Variants in USP37 observed in about 807,000 individuals in gnomAD.
USP37 encodes the protein ubiquitin specific peptidase 37, also known as ubiquitin carboxyl-terminal hydrolase 37.
In USP37, 27 loss-of-function variants were observed where a neutral mutation model predicts 124.0. The observed-to-expected ratio is 0.22, with a 90% CI of 0.16 to 0.30. USP37 has a LOEUF of 0.30. Among genes scored for constraint, USP37 ranks in the 10% least tolerant of loss-of-function variants. USP37 has a pLI of 1.00. For missense variants in USP37, 889 were observed against 1,140.4 expected, an observed-to-expected ratio of 0.78 and a Z score of 3.17; for synonymous variants, 365 against 388.0, an observed-to-expected ratio of 0.94 and a Z score of 0.70.
intron 5 of USP37, among the ~76,000 whole-genome samples, 166 bp downstream of exon 5, chr2:218,553,383 AGATT>A (rs1296194802): frequency 6.6e-6 from 1 of 152,238 alleles, no homozygotes; most frequent in Non-Finnish European, 1.5e-5. Context: ...TGTGTTACAC[AGATT>A]GATTTTCATA....
chr2:218,535,596 C>T (rs186285577), intron 8 of USP37, among the ~76,000 whole-genome samples: 429 of 151,846 alleles, frequency 2.8e-3, no homozygotes, highest in African/African-American at 9.9e-3. Context: ...GTGGCTCACA[C>T]CTGTAATCCC....
rs373134052 is a variant in USP37, at chr2:218,556,039, A to G, written c.157-2315T>C. On this transcript the variant is annotated intron_variant, in intron 4 of 25. Transcript: ENST00000258399. Reference sequence around the variant, plus strand: ...CTCCTATATGTCCTTCTATTCTCCCACTATCACCTGAAATAAAGTCATCTG... The same window carrying G: ...CTCCTATATGTCCTTCTATTCTCCCGCTATCACCTGAAATAAAGTCATCTG... Among the ~76,000 whole-genome samples, 10 of 152,164 alleles carry G rather than the reference A, an allele frequency of 6.6e-5. No individual in the cohort carries two copies. The East Asian group carries it at 1.7e-3, about 26-fold the overall frequency.
At chr2:218,491,092 T>C (rs951972833) in intron 14 of USP37, among the ~76,000 whole-genome samples, 1 of 152,152 alleles carries the variant, frequency 6.6e-6, no homozygotes, top group Non-Finnish European at 1.5e-5. Flanking sequence ...AGGGCTGGTC[T>C]CAAACACCTA....
In USP37 at chr2:218,498,716, G is replaced by A. The variant is rs373206372; in HGVS notation, c.1026-559C>T. Among the ~76,000 whole-genome samples, 7 of 152,208 alleles carry A rather than the reference G, an allele frequency of 4.6e-5. No homozygotes were observed. In the East Asian group the frequency reaches 1.4e-3, roughly 29 times the overall value. The stretch of plus-strand genomic sequence containing the variant: ...CACTCCAGCCTCAGCAACAGAGTGA[G>A]ACTCTGTCTCAAAATAAATAAAATA... On this transcript the variant is annotated intron_variant, in intron 11 of 25. Transcript: ENST00000258399.
chr2:218,493,141 C>T (rs1387669418), intron 14 of USP37, among the ~76,000 whole-genome samples: 1 of 151,892 alleles, frequency 6.6e-6, no homozygotes, highest in Non-Finnish European at 1.5e-5. Context: ...CCAAACTGGC[C>T]AAACAAACCT....
chr2:218,530,066 AACTT>A (rs1328668774), intron 9 of USP37, 26 bp from the exon 10 acceptor site: 2 of 1,556,868 alleles, frequency 1.3e-6, no homozygotes, highest in East Asian at 2.2e-5. Flanking sequence ...ACAAAGGAAA[AACTT>A]AATTCCTAAA....
intron 11 of USP37, among the ~76,000 whole-genome samples, chr2:218,508,333 C>T (rs1384198771): frequency 6.6e-6 from 1 of 150,640 alleles, no homozygotes; most frequent in East Asian, 1.9e-4. Context: ...CTTGAAATTA[C>T]ACTAAACTAA....
chr2:218,489,956 A>T (rs1691835687), intron 14 of USP37, among the ~76,000 whole-genome samples: 1 of 152,200 alleles, frequency 6.6e-6, no homozygotes, highest in African/African-American at 2.4e-5. Context: ...GTTGTTGTAT[A>T]GCTTTAATCT....
In USP37 at chr2:218,503,143, C is replaced by T. The variant is rs80312508; in HGVS notation, c.1026-4986G>A. Reference sequence around the variant, plus strand: ...TGAGAATACTTGCTGCCAAGAGACACGCACTGTAAGAAATGTTAAAGCGAC... The same window carrying T: ...TGAGAATACTTGCTGCCAAGAGACATGCACTGTAAGAAATGTTAAAGCGAC... On this transcript the variant is annotated intron_variant, in intron 11 of 25. Coordinates refer to ENST00000258399, the MANE Select transcript of USP37 (RefSeq NM_020935.3). Among the ~76,000 whole-genome samples, 977 of 152,072 alleles carry T rather than the reference C, an allele frequency of 6.4e-3. 10 individuals are homozygous for T. Among genetic ancestry groups the T allele is most frequent in the African/African-American group, 0.023 (938 of 41,504 alleles).
At chr2:218,567,998 C>T (rs1693741873) in intron 1 of USP37, among the ~76,000 whole-genome samples, 180 bp downstream of exon 1, 2 of 152,108 alleles carry the variant, frequency 1.3e-5, no homozygotes, top group South Asian at 2.1e-4. Flanking sequence ...GAGGTGGAAG[C>T]CGGGGCAGTG....
chr2:218,548,752 T>C (rs933249149), intron 6 of USP37, among the ~76,000 whole-genome samples: 1 of 152,230 alleles, frequency 6.6e-6, no homozygotes, highest in Admixed American at 6.5e-5. Flanking sequence ...ATATTCTCTA[T>C]TATTTTCTAT....
In USP37 at chr2:218,529,980, G is replaced by A; in HGVS notation, c.839C>T (p.Ser280Phe). 6.2e-7 allele frequency: 1 copy of A among 1,613,442 alleles called. No individual in the cohort carries two copies. The highest frequency in any genetic ancestry group is 8.5e-7 in the Non-Finnish European group (1 of 1,179,820). ...YGSRAGSKEHSSGGTNLDRTN... is the reference protein window; with the variant it reads ...YGSRAGSKEHFSGGTNLDRTN... Reference sequence around the variant, plus strand: ...CCTGTCTAAGTTAGTGCCACCAGAAGAGTGTTCCTTGGATCCAGCTCTGCT... The same window carrying A: ...CCTGTCTAAGTTAGTGCCACCAGAAAAGTGTTCCTTGGATCCAGCTCTGCT... The change falls in exon 10 of 26, where the codon TCT (serine) becomes TTT (phenylalanine). Residue 280 changes from serine (S) to phenylalanine (F), a missense_variant. By Grantham distance (155) the Ser-to-Phe change is radical. Coordinates refer to ENST00000258399, the MANE Select transcript of USP37 (RefSeq NM_020935.3).
Position 218,549,897 on chromosome 2 carries a change from G to C in USP37, c.341C>G (p.Ser114Cys). ...QNRLPAAMKP[S>C]QGSGSFGAIL... ...GGCTCCAAAACTACCAGACCCCTGAGACGGTTTCATGGCTGGTGACCAAAA... is the reference window on the plus strand; with the variant it reads ...GGCTCCAAAACTACCAGACCCCTGACACGGTTTCATGGCTGGTGACCAAAA... Residue 114 changes from serine to cysteine, a missense_variant, in exon 6 of 26, where the codon TCT becomes TGT. Ser to Cys is a moderately radical substitution (Grantham distance 112). Around this residue, in one of 3 missense-constraint regions of USP37, gnomAD observed 374 missense variants for 386.0 expected, o/e 0.97. Coordinates refer to ENST00000258399, the MANE Select transcript of USP37 (RefSeq NM_020935.3). The C allele has an allele frequency of 6.2e-7, 1 of 1,604,368 alleles. No homozygotes were observed. The highest frequency in any genetic ancestry group is 8.5e-7 in the Non-Finnish European group (1 of 1,175,756).
chr2:218,489,685 A>G (rs1691812775), intron 14 of USP37, among the ~76,000 whole-genome samples: 1 of 151,780 alleles, frequency 6.6e-6, no homozygotes, highest in Admixed American at 6.6e-5. Context: ...TCATCATGTT[A>G]GCCAGGCCAG....
Position 218,498,016 on chromosome 2 carries a change from T to C in USP37, c.1157+10A>G. On this transcript the variant is annotated intron_variant, in intron 12 of 25. Coordinates refer to ENST00000258399, the MANE Select transcript of USP37 (RefSeq NM_020935.3). ...AAGGTTACTCAGTAAGTACAGTACA[T>C]AATGATTACCTGATAAGTGCATTGA... 6.3e-7 allele frequency: 1 copy of C among 1,599,080 alleles called. No individual in the cohort carries two copies. The highest frequency in any genetic ancestry group is 8.5e-7 in the Non-Finnish European group (1 of 1,174,706).
chr2:218,537,464 G>A (rs1339608629), intron 8 of USP37, among the ~76,000 whole-genome samples: 1 of 152,194 alleles, frequency 6.6e-6, no homozygotes, highest in Non-Finnish European at 1.5e-5. Context: ...TCAAACTCTA[G>A]CCAAACCATC....
intron 4 of USP37, among the ~76,000 whole-genome samples, chr2:218,557,168 C>A (rs149517196): frequency 6.6e-6 from 1 of 152,306 alleles, no homozygotes; most frequent in Non-Finnish European, 1.5e-5. Flanking sequence ...TGCGCCCAGC[C>A]ATCCCTTAGC....
Position 218,482,139 on chromosome 2 carries a change from G to A in USP37, c.1766C>T (p.Thr589Ile). The change falls in exon 17 of 26, where the codon ACC (threonine) becomes ATC (isoleucine). Residue 589 changes from threonine (T) to isoleucine (I), a missense_variant. Thr to Ile is a moderately conservative substitution (Grantham distance 89). Coordinates refer to ENST00000258399, the MANE Select transcript of USP37 (RefSeq NM_020935.3). Reference sequence around the variant, plus strand: ...ATTTTCAGTGCAATGAGATGACAGGGTCAGGTATCTTGGAATGATGACTTG... The same window carrying A: ...ATTTTCAGTGCAATGAGATGACAGGATCAGGTATCTTGGAATGATGACTTG... ...GQQVIIPRYL[T>I]LSSHCTENTK... 6.2e-7 allele frequency: 1 copy of A among 1,613,952 alleles called. No homozygotes were observed. The highest frequency in any genetic ancestry group is 8.5e-7 in the Non-Finnish European group (1 of 1,179,880).
intron 2 of USP37, among the ~76,000 whole-genome samples, chr2:218,562,084 T>A (rs550720097): frequency 6.6e-6 from 1 of 152,244 alleles, no homozygotes; most frequent in Non-Finnish European, 1.5e-5. Context: ...AGAACCAATA[T>A]AATAAACTTT....
Sources: allele counts gnomAD v4.1 joint callset (sites outside exome capture counted in the v4.1 genomes callset), GRCh38; gene constraint gnomAD v4.1.1; regional missense constraint gnomAD v4.1.1; transcripts MANE v1.5; gene names NCBI Gene and HGNC (gene_info 2026-07-23, HGNC 2026-07-21).